Variants in TUT7 observed in about 807,000 individuals in gnomAD.
TUT7 encodes terminal uridylyl transferase 7.
TUT7 carries 33 observed loss-of-function variants against 165.9 expected under a neutral mutation model. That is an observed-to-expected ratio of 0.20 (90% CI 0.15 to 0.27). The LOEUF (loss-of-function observed/expected upper bound fraction) is 0.27. TUT7 is among the 10% of genes least tolerant of loss of function. TUT7 has a pLI of 1.00. For synonymous variants in TUT7, 552 were observed against 608.1 expected, an observed-to-expected ratio of 0.91 and a Z score of 1.36; for missense variants, 1,338 against 1,762.3, an observed-to-expected ratio of 0.76 and a Z score of 4.31.
chr9:86,315,959 A>G (rs1025792558), intron 17 of TUT7, among the ~76,000 whole-genome samples: 4 of 152,112 alleles, frequency 2.6e-5, no homozygotes, highest in Non-Finnish European at 4.4e-5. Context: ...GTGGCACCCA[A>G]GGTGTATATA....
chr9:86,294,292 A>C (rs1826122847), intron 26 of TUT7, among the ~76,000 whole-genome samples: 1 of 151,778 alleles, frequency 6.6e-6, no homozygotes, highest in Non-Finnish European at 1.5e-5. Context: ...AAAAAAAAAA[A>C]AAACCCAGAG....
chr9:86,307,888 G>A (rs562884349), intron 22 of TUT7, among the ~76,000 whole-genome samples: 1 of 152,220 alleles, frequency 6.6e-6, no homozygotes, highest in South Asian at 2.1e-4. Context: ...CAGCTACTCA[G>A]GTGGCTGAGG....
chr9:86,292,092 C>T (rs946335064), intron 26 of TUT7, among the ~76,000 whole-genome samples: 3 of 152,212 alleles, frequency 2.0e-5, no homozygotes, highest in Non-Finnish European at 4.4e-5. Flanking sequence ...AGTGCAGTGA[C>T]TATTCACAGG....
chr9:86,354,094 G>C (rs1832539063), intron 1 of TUT7, among the ~76,000 whole-genome samples, 177 bp downstream of exon 1: 1 of 152,192 alleles, frequency 6.6e-6, no homozygotes, highest in Admixed American at 6.5e-5. Flanking sequence ...GGGTTCCCCC[G>C]GCCGGCCAGG....
Position 86,288,743 on chromosome 9 carries a change from A to G in TUT7, c.4422T>C (p.Gly1474=). The change falls in exon 27 of 27, where the codon GGT becomes GGC. Residue 1474 remains glycine (G), a splice_region_variant and synonymous_variant. Coordinates refer to ENST00000375963, the MANE Select transcript of TUT7 (RefSeq NM_024617.4). ...KECPQFKGSS[G]SLSSKYMTQG... is the part of the protein sequence containing the mutation. Reference sequence around the variant, plus strand: ...GAGTCATATATTTACTGGAAAGGCTACCTAGAGGAGGGGAAGAAACAAAAC... The same window carrying G: ...GAGTCATATATTTACTGGAAAGGCTGCCTAGAGGAGGGGAAGAAACAAAAC... 6.2e-7 allele frequency: 1 copy of G among 1,611,770 alleles called. No homozygotes were observed. Among genetic ancestry groups the G allele is most frequent in the East Asian group, 2.2e-5 (1 of 44,846 alleles).
At chr9:86,353,288 T>C in intron 1 of TUT7, 58 bp from the exon 2 acceptor site, 1 of 1,370,528 alleles carries the variant, frequency 7.3e-7, no homozygotes, top group Non-Finnish European at 9.8e-7. Context: ...CATACAAGTA[T>C]ACAAAATAAC....
chr9:86,304,713 C>G (rs989973643), intron 24 of TUT7, 143 bp downstream of exon 24: 1 of 512,822 alleles, frequency 1.9e-6, no homozygotes, highest in Admixed American at 3.9e-5. Flanking sequence ...AAAAGGGGGG[C>G]TCTGGGAATC....
Position 86,341,053 on chromosome 9 carries a change from T to C in TUT7, c.1087A>G (p.Met363Val), listed in dbSNP as rs1367971547. 6.2e-7 allele frequency: 1 copy of C among 1,611,016 alleles called. No homozygotes were observed. Among genetic ancestry groups the C allele is most frequent in the African/African-American group, 1.3e-5 (1 of 74,846 alleles). ...AGTAAGAGGACATCTGGCTGAGACA[T>C]CTAGGAAATAAATCAATGAATACAT... ...VNIDIQFPAIMSQPDVLLLVQ... is the reference protein window; with the variant it reads ...VNIDIQFPAIVSQPDVLLLVQ... The change falls in exon 7 of 27, where the codon ATG (methionine) becomes GTG (valine). Residue 363 changes from methionine to valine, a missense_variant and splice_region_variant. Physicochemically the swap from Met to Val is conservative, Grantham distance 21 (BLOSUM62 1). Around this residue, in one of 7 missense-constraint regions of TUT7, gnomAD observed 434 missense variants for 480.8 expected, o/e 0.90. Coordinates refer to ENST00000375963, the MANE Select transcript of TUT7 (RefSeq NM_024617.4).
At chr9:86,329,523 CA>C (rs56393103) in intron 10 of TUT7, among the ~76,000 whole-genome samples, 75,359 of 132,486 alleles carry the variant, frequency 0.57, 19,515 homozygotes, top group Non-Finnish European at 0.58. Flanking sequence ...AACTCCATCT[CA>C]AAAAAAAAAA....
At chr9:86,350,495 A>T (rs1243124590) in intron 2 of TUT7, among the ~76,000 whole-genome samples, 1 of 152,242 alleles carries the variant, frequency 6.6e-6, no homozygotes, top group African/African-American at 2.4e-5. Context: ...AAGCCCAGAA[A>T]TTATCAAGAA....
intron 18 of TUT7, 77 bp downstream of exon 18, chr9:86,310,625 CTTCT>C: frequency 1.4e-6 from 1 of 723,794 alleles, no homozygotes; most frequent in South Asian, 1.7e-5. Flanking sequence ...ATGAATGTGA[CTTCT>C]TTAACTTGAG....
chr9:86,297,921 C>CTTTTTTTTTTTTTTTTTT lies in TUT7; in HGVS notation c.4420+3354_4420+3355insAAAAAAAAAAAAAAAAAA, dbSNP rs59651352. Reference sequence around the variant, plus strand: ...CTCACTCACCCTTCTGCCTGCTCCACTTTTTTTTTTTTTTCAAATTTCTTC... The same window carrying CTTTTTTTTTTTTTTTTTT: ...CTCACTCACCCTTCTGCCTGCTCCACTTTTTTTTTTTTTTTTTTTTTTTTTTTTTTTTCAAATTTCTTC... On this transcript the variant is annotated intron_variant, in intron 26 of 26. Transcript: ENST00000375963. 4.6e-5 allele frequency among the ~76,000 whole-genome samples: 4 copies of CTTTTTTTTTTTTTTTTTT among 86,498 alleles called. 1 individual carries two copies. The highest frequency in any genetic ancestry group is 6.1e-5 in the Non-Finnish European group (3 of 49,438). The allele number at this position is 86,498 out of a possible 152,430, so 56.7% of individuals were successfully genotyped here.
At position 86,319,066 on chromosome 9, in the gene TUT7, G is replaced by T; in HGVS notation, c.3116-8C>A. On this transcript the variant is annotated splice_polypyrimidine_tract_variant and splice_region_variant and intron_variant, in intron 15 of 26. Coordinates refer to ENST00000375963, the MANE Select transcript of TUT7 (RefSeq NM_024617.4). The stretch of plus-strand genomic sequence containing the variant: ...ACAGGCTCAATTTAGTTCCTGTTAG[G>T]GATATATGAAAAGTAATAACTAATT... 1 of 1,599,776 alleles carries T rather than the reference G, an allele frequency of 6.3e-7. No homozygotes were observed. The highest frequency in any genetic ancestry group is 8.5e-7 in the Non-Finnish European group (1 of 1,170,878).
chr9:86,321,445 C>T lies in TUT7; in HGVS notation c.3028+880G>A, dbSNP rs181494803. On this transcript the variant is annotated intron_variant, in intron 14 of 26. Transcript: ENST00000375963. ...ATACTAAGCTTTAAAAAGAAACCTG[C>T]TGGCCAGGCGCCATGGCTCAAGCCT... is the stretch of plus-strand genomic sequence containing the variant. 4.1e-3 allele frequency among the ~76,000 whole-genome samples: 627 copies of T among 152,010 alleles called. 2 individuals carry two copies. Among genetic ancestry groups the T allele is most frequent in the Admixed American group, 0.013 (192 of 15,290 alleles).
In TUT7 at chr9:86,323,720, G is replaced by A. The variant is rs193087051; in HGVS notation, c.2030C>T (p.Ala677Val). The A allele has an allele frequency of 1.3e-5, 21 of 1,613,668 alleles. No homozygotes were observed. In the East Asian group the frequency reaches 2.2e-4, roughly 17 times the overall value. ...KDDKLKNSVL[A>V]QGPGATSSAA... ...TGAACTGGTAGCACCAGGACCTTGG[G>A]CCAAAACTGAGTTTTTGAGCTTATC... Residue 677 changes from alanine to valine, a missense_variant, in exon 13 of 27, where the codon GCC becomes GTC. Physicochemically the swap from Ala to Val is moderately conservative, Grantham distance 64. This residue lies in a region of TUT7 where 425 missense variants were observed against 474.9 expected (regional missense o/e 0.89). Coordinates refer to ENST00000375963, the MANE Select transcript of TUT7 (RefSeq NM_024617.4).
intron 10 of TUT7, among the ~76,000 whole-genome samples, chr9:86,329,545 AAAAC>A (rs1817434583): frequency 1.3e-5 from 2 of 152,082 alleles, no homozygotes; most frequent in African/African-American, 4.8e-5. Flanking sequence ...AACAAAACAA[AAAAC>A]AAACAAAAAC....
intron 26 of TUT7, among the ~76,000 whole-genome samples, chr9:86,299,999 T>C (rs1826731402): frequency 6.6e-6 from 1 of 152,244 alleles, no homozygotes. Context: ...GTAAAGTACT[T>C]AAAATAGTGC....
chr9:86,327,036 G>T (rs1325278750), intron 11 of TUT7, among the ~76,000 whole-genome samples: 1 of 152,024 alleles, frequency 6.6e-6, no homozygotes, highest in Admixed American at 6.5e-5. Context: ...AATCACAAAG[G>T]TTCTGTCAAG....
intron 10 of TUT7, among the ~76,000 whole-genome samples, chr9:86,333,247 T>A (rs1056279840): frequency 6.6e-6 from 1 of 152,194 alleles, no homozygotes; most frequent in Admixed American, 6.5e-5. Context: ...CCAACTATAT[T>A]CAATCTGCCC....
Sources: gnomAD v4.1 joint callset for allele counts (sites outside exome capture counted in the v4.1 genomes callset) on GRCh38, gnomAD v4.1.1 for gene constraint, gnomAD v4.1.1 regional missense constraint, MANE v1.5 for transcripts, NCBI Gene and HGNC (gene_info 2026-07-23, HGNC 2026-07-21) for gene names.